The following CENPP variants were observed in gnomAD, a reference collection of about 807,000 sequenced individuals.
CENPP encodes the protein centromere protein P.
In CENPP, 24 loss-of-function variants were observed where a neutral mutation model predicts 35.6. That is an observed-to-expected ratio of 0.67 (90% CI 0.49 to 0.95). The LOEUF (loss-of-function observed/expected upper bound fraction) is 0.95. Among genes scored for constraint, CENPP ranks in the 40% least tolerant of loss-of-function variants. The pLI is 0.00. For missense variants in CENPP, 332 were observed against 345.3 expected, an observed-to-expected ratio of 0.96 and a Z score of 0.31; for synonymous variants, 120 against 125.5, an observed-to-expected ratio of 0.96 and a Z score of 0.29.
Position 92,501,039 on chromosome 9 carries a change from A to G in CENPP, c.565-110275A>G, listed in dbSNP as rs376628552. On this transcript the variant is annotated intron_variant, in intron 5 of 7. Transcript: ENST00000375587. ...ATAGAGCTTGTTGTAGGAGAGATCA[A>G]TGGATTCTAGATTTCTGCAGCAAAG... 6 of 1,612,652 alleles carry G rather than the reference A, an allele frequency of 3.7e-6. No homozygotes were observed. The African/African-American group carries it at 4.0e-5, about 11-fold the overall frequency.
intron 5 of CENPP, chr9:92,474,839 C>A: frequency 6.2e-7 from 1 of 1,613,778 alleles, no homozygotes; most frequent in South Asian, 1.1e-5. Context: ...GTGTGAAGGG[C>A]TAAAGAAGGG....
intron 4 of CENPP, among the ~76,000 whole-genome samples, chr9:92,346,998 G>A (rs963197814): frequency 6.6e-6 from 1 of 150,646 alleles, no homozygotes; most frequent in Non-Finnish European, 1.5e-5. Flanking sequence ...GAAAGAGGCA[G>A]CACAGTAGAG....
intron 5 of CENPP, among the ~76,000 whole-genome samples, chr9:92,508,548 C>T (rs1313561495): frequency 6.6e-6 from 1 of 152,146 alleles, no homozygotes; most frequent in African/African-American, 2.4e-5. Context: ...TCATATACAG[C>T]CTGTTAGTAC....
intron 5 of CENPP, among the ~76,000 whole-genome samples, chr9:92,446,988 G>GA (rs2131013523): frequency 6.6e-6 from 1 of 152,082 alleles, no homozygotes; most frequent in Non-Finnish European, 1.5e-5. Context: ...AGTAAACAGA[G>GA]TAGCTACCTG....
intron 5 of CENPP, chr9:92,514,638 C>T (rs372699831): frequency 1.9e-6 from 3 of 1,578,822 alleles, no homozygotes; most frequent in Non-Finnish European, 2.6e-6. Context: ...TACCAGTGAG[C>T]TCCAGACTTG....
intron 5 of CENPP, among the ~76,000 whole-genome samples, chr9:92,603,584 C>T (rs1470519860): frequency 6.6e-6 from 1 of 152,122 alleles, no homozygotes; most frequent in Non-Finnish European, 1.5e-5. Flanking sequence ...CCTCAGCGAT[C>T]CCTGTGCACT....
At chr9:92,533,328 A>AAAAAAAAAT (rs1554683138) in intron 5 of CENPP, among the ~76,000 whole-genome samples, 9 of 38,338 alleles carry the variant, frequency 2.3e-4, no homozygotes, top group East Asian at 7.4e-4. Flanking sequence ...AAAAAAAAAA[A>AAAAAAAAAT]ATATATATAT....
At chr9:92,352,505 G>GTGTGTGTGTATATATA in intron 4 of CENPP, among the ~76,000 whole-genome samples, 7 of 49,778 alleles carry the variant, frequency 1.4e-4, no homozygotes, top group Non-Finnish European at 2.0e-4. Context: ...GTGTGTGTGT[G>GTGTGTGTGTATATATA]TATACATATA....
At position 92,470,607 on chromosome 9, in the gene CENPP, CATT is replaced by C. The variant is rs890925897; in HGVS notation, c.564+90751_564+90753del. ...TTTATACTAACATAGTATAATTAAT[CATT>C]ATAGCAAAGATACAGAGTTTTCACT... On this transcript the variant is annotated intron_variant, in intron 5 of 7. Coordinates refer to ENST00000375587, the MANE Select transcript of CENPP (RefSeq NM_001012267.3). 5 of 867,604 alleles carry C rather than the reference CATT, an allele frequency of 5.8e-6. No individual in the cohort carries two copies. The African/African-American group carries it at 7.0e-5, about 12-fold the overall frequency. The allele number at this position is 867,604 out of a possible 1,614,324, so 53.7% of individuals were successfully genotyped here.
rs1240813139 is a variant in CENPP at position 92,493,944 on chromosome 9, GTT to G, written c.564+114086_564+114087del. On this transcript the variant is annotated intron_variant, in intron 5 of 7. Transcript: ENST00000375587. Reference sequence around the variant, plus strand: ...CCACAGGCACCGGTCTGGATCTGCTGTTAATCCAGGCCGTTGAGGGTGGCCGT... The same window carrying G: ...CCACAGGCACCGGTCTGGATCTGCTGAATCCAGGCCGTTGAGGGTGGCCGT... 46 of 660,110 alleles carry G rather than the reference GTT, an allele frequency of 7.0e-5. No homozygotes were observed. The African/African-American group carries it at 7.5e-4, about 11-fold the overall frequency. 40.9% of individuals were successfully genotyped at this position (660,110 alleles called of 1,614,324 possible). A position where few individuals can be genotyped will look rare whatever the true frequency, so the allele number is the denominator to read the frequency against.
chr9:92,352,505 G>GTGTGTGTATAAATATATATATATATA, intron 4 of CENPP, among the ~76,000 whole-genome samples: 1 of 49,764 alleles, frequency 2.0e-5, no homozygotes, highest in Non-Finnish European at 3.3e-5. Context: ...GTGTGTGTGT[G>GTGTGTGTATAAATATATATATATATA]TATACATATA....
chr9:92,333,699 T>A (rs946228933), intron 2 of CENPP, among the ~76,000 whole-genome samples: 1 of 152,208 alleles, frequency 6.6e-6, no homozygotes, highest in African/African-American at 2.4e-5. Flanking sequence ...TCTTGTTTTT[T>A]ATTTTTTTGT....
chr9:92,370,102 A>G (rs917190289), intron 4 of CENPP, among the ~76,000 whole-genome samples: 3 of 152,208 alleles, frequency 2.0e-5, no homozygotes, highest in African/African-American at 4.8e-5. Flanking sequence ...TCTTGTAGAT[A>G]TGATATATTA....
At chr9:92,500,670 T>C in intron 5 of CENPP, 2 of 1,500,174 alleles carry the variant, frequency 1.3e-6, no homozygotes, top group South Asian at 1.3e-5. Flanking sequence ...ATGGTTGTTT[T>C]ATCATATATT....
chr9:92,509,854 A>G (rs1033462928), intron 5 of CENPP: 2 of 1,564,924 alleles, frequency 1.3e-6, no homozygotes, highest in African/African-American at 2.8e-5. Context: ...ACTATATAGG[A>G]AAGATTATAA....
At position 92,449,298 on chromosome 9, in the gene CENPP, G is replaced by T. The variant is rs137980211; in HGVS notation, c.564+69439G>T. On this transcript the variant is annotated intron_variant, in intron 5 of 7. Coordinates refer to ENST00000375587, the MANE Select transcript of CENPP (RefSeq NM_001012267.3). Reference sequence around the variant, plus strand: ...CTACTAAAAATACAAAAAATTAGCCGGGCGTGGTGGCGGGCGCCTGTAGTC... The same window carrying T: ...CTACTAAAAATACAAAAAATTAGCCTGGCGTGGTGGCGGGCGCCTGTAGTC... Among the ~76,000 whole-genome samples the T allele has an allele frequency of 1.0e-3, 155 of 151,774 alleles. 1 individual carries two copies. The highest frequency in any genetic ancestry group is 3.5e-3 in the African/African-American group (144 of 41,446).
chr9:92,579,548 AT>A (rs1389253704), intron 5 of CENPP, among the ~76,000 whole-genome samples: 10 of 151,812 alleles, frequency 6.6e-5, no homozygotes, highest in Non-Finnish European at 1.2e-4. Flanking sequence ...AAGGTATTTT[AT>A]TTTCTTTGAA....
chr9:92,601,299 T>C (rs1850910838), intron 5 of CENPP, among the ~76,000 whole-genome samples: 1 of 152,164 alleles, frequency 6.6e-6, no homozygotes, highest in South Asian at 2.1e-4. Context: ...GTCAGGCACC[T>C]TTTGTCCAGC....
intron 5 of CENPP, among the ~76,000 whole-genome samples, chr9:92,505,874 C>A (rs979018946): frequency 3.9e-5 from 6 of 152,022 alleles, no homozygotes; most frequent in Admixed American, 3.9e-4. Flanking sequence ...ATGCTCAATT[C>A]AACCAGAACT....
Sources: allele counts gnomAD v4.1 joint callset (sites outside exome capture counted in the v4.1 genomes callset), GRCh38; gene constraint gnomAD v4.1.1; transcripts MANE v1.5; gene names NCBI Gene and HGNC (gene_info 2026-07-23, HGNC 2026-07-21).